Variants in SCAPER observed in about 807,000 individuals in gnomAD.
SCAPER encodes S-phase cyclin A associated protein in the ER.
SCAPER carries 98 observed loss-of-function variants against 182.2 expected under a neutral mutation model. The observed-to-expected ratio is 0.54, with a 90% CI of 0.46 to 0.64. SCAPER has a LOEUF of 0.64. SCAPER is among the 30% of genes least tolerant of loss of function. SCAPER has a pLI of 0.00. For missense variants in SCAPER, 1,432 were observed against 1,690.0 expected (o/e 0.85, Z 2.68); for synonymous variants, 605 against 564.6 (o/e 1.07, Z -1.01).
At chr15:76,505,909 A>G (rs2041534564) in intron 23 of SCAPER, among the ~76,000 whole-genome samples, 1 of 152,218 alleles carries the variant, frequency 6.6e-6, no homozygotes, top group Non-Finnish European at 1.5e-5. Context: ...AGTACTATTC[A>G]GCCATAAAAA....
intron 23 of SCAPER, among the ~76,000 whole-genome samples, chr15:76,526,287 C>A (rs74691843): frequency 4.7e-4 from 72 of 152,208 alleles, no homozygotes; most frequent in African/African-American, 1.7e-3. Context: ...GATAATTATG[C>A]ATTTTGAACA....
At chr15:76,563,598 G>A (rs1344202086) in intron 23 of SCAPER, among the ~76,000 whole-genome samples, 1 of 152,144 alleles carries the variant, frequency 6.6e-6, no homozygotes, top group Non-Finnish European at 1.5e-5. Flanking sequence ...ATACAAAGAA[G>A]AGCTAGTACT....
At chr15:76,812,685 T>C (rs1046957316) in intron 5 of SCAPER, among the ~76,000 whole-genome samples, 8 of 151,894 alleles carry the variant, frequency 5.3e-5, no homozygotes, top group Non-Finnish European at 1.2e-4. Context: ...TACCAATACA[T>C]ATATAACCTA....
At chr15:76,769,737 T>C (rs1436881955) in intron 10 of SCAPER, among the ~76,000 whole-genome samples, 1 of 152,118 alleles carries the variant, frequency 6.6e-6, no homozygotes, top group South Asian at 2.1e-4. Flanking sequence ...TTAGTTCAAC[T>C]ATTGTGGAAG....
At chr15:76,612,768 G>C (rs2051117616) in intron 22 of SCAPER, among the ~76,000 whole-genome samples, 1 of 152,238 alleles carries the variant, frequency 6.6e-6, no homozygotes, top group Admixed American at 6.5e-5. Flanking sequence ...AAAGAAATCA[G>C]AGATGACACA....
chr15:76,567,084 A>G (rs1230562011), intron 23 of SCAPER, among the ~76,000 whole-genome samples: 3 of 152,130 alleles, frequency 2.0e-5, no homozygotes, highest in Admixed American at 2.0e-4. Context: ...ACCTATGTGT[A>G]TATTCCAAAA....
chr15:76,870,083 A>C (rs2072593919), intron 2 of SCAPER, among the ~76,000 whole-genome samples: 1 of 152,140 alleles, frequency 6.6e-6, no homozygotes, highest in South Asian at 2.1e-4. Flanking sequence ...TAGTTACCCA[A>C]GGCCAGGAAA....
chr15:76,455,863 C>T (rs1482328740), intron 25 of SCAPER, among the ~76,000 whole-genome samples: 1 of 151,992 alleles, frequency 6.6e-6, no homozygotes, highest in African/African-American at 2.4e-5. Context: ...TGTGATGTTC[C>T]CCTCCCTGTG....
intron 29 of SCAPER, among the ~76,000 whole-genome samples, chr15:76,373,134 G>A (rs1037981792): frequency 6.7e-6 from 1 of 149,076 alleles, no homozygotes; most frequent in Non-Finnish European, 1.5e-5. Flanking sequence ...TGCAACCTCC[G>A]CCTCCCACGT....
intron 22 of SCAPER, among the ~76,000 whole-genome samples, chr15:76,600,381 G>A (rs2049819436): frequency 2.4e-5 from 1 of 42,544 alleles, no homozygotes; most frequent in South Asian, 1.0e-3. Context: ...TGGAAAGTGT[G>A]TGTATATGTG....
At chr15:76,513,518 A>T (rs574737190) in intron 23 of SCAPER, among the ~76,000 whole-genome samples, 9 of 152,322 alleles carry the variant, frequency 5.9e-5, no homozygotes, top group African/African-American at 2.2e-4. Context: ...AATACCTTAT[A>T]TGCAAATCTA....
At chr15:76,880,615 T>C (rs901923211) in intron 2 of SCAPER, among the ~76,000 whole-genome samples, 1 of 152,064 alleles carries the variant, frequency 6.6e-6, no homozygotes, top group Non-Finnish European at 1.5e-5. Flanking sequence ...AACTTTACTA[T>C]ATCTTACCTG....
intron 22 of SCAPER, among the ~76,000 whole-genome samples, chr15:76,583,469 T>G (rs2048414468): frequency 1.3e-5 from 2 of 150,652 alleles, no homozygotes; most frequent in Admixed American, 6.6e-5. Flanking sequence ...AACGAATCAA[T>G]AAAGTGAAGA....
In SCAPER at chr15:76,713,396, T is replaced by C. The variant is rs1381026090; in HGVS notation, c.2166-7412A>G. 3.9e-5 allele frequency among the ~76,000 whole-genome samples: 6 copies of C among 151,950 alleles called. No individual in the cohort carries two copies. In the East Asian group the frequency reaches 5.8e-4, roughly 15 times the overall value. ...AACCAACCCAAATGTCCAACATTGA[T>C]AGACTGGACTAAGAAAATGTGGCAC... is the stretch of plus-strand genomic sequence containing the variant. On this transcript the variant is annotated intron_variant, in intron 17 of 31. Transcript: ENST00000563290.
intron 5 of SCAPER, among the ~76,000 whole-genome samples, chr15:76,808,491 G>A (rs1455038152): frequency 6.6e-6 from 1 of 152,180 alleles, no homozygotes; most frequent in Non-Finnish European, 1.5e-5. Flanking sequence ...AAACTATAAA[G>A]AGCAAAGAGC....
At chr15:76,830,510 G>A (rs1296345499) in intron 5 of SCAPER, among the ~76,000 whole-genome samples, 1 of 152,062 alleles carries the variant, frequency 6.6e-6, no homozygotes, top group African/African-American at 2.4e-5. Flanking sequence ...GATGTGAATG[G>A]ACTGGAAAGA....
At chr15:76,405,281 T>G (rs1002949856) in intron 26 of SCAPER, among the ~76,000 whole-genome samples, 6 of 146,454 alleles carry the variant, frequency 4.1e-5, no homozygotes, top group Admixed American at 1.4e-4. Flanking sequence ...GTGCAGTTAA[T>G]TTTTTTTTTT....
At chr15:76,445,933 A>G (rs940261217) in intron 25 of SCAPER, among the ~76,000 whole-genome samples, 1 of 152,194 alleles carries the variant, frequency 6.6e-6, no homozygotes, top group African/African-American at 2.4e-5. Flanking sequence ...CCCTTTCTTA[A>G]GACCTCTGAT....
chr15:76,823,476 AAAAT>A (rs1015706907), intron 5 of SCAPER, among the ~76,000 whole-genome samples: 11 of 151,782 alleles, frequency 7.2e-5, no homozygotes, highest in Non-Finnish European at 1.5e-4. Context: ...AAAATATAAT[AAAAT>A]AAATAAATTA....
Sources: allele counts gnomAD v4.1 joint callset (sites outside exome capture counted in the v4.1 genomes callset), GRCh38; gene constraint gnomAD v4.1.1; transcripts MANE v1.5; gene names NCBI Gene and HGNC (gene_info 2026-07-23, HGNC 2026-07-21).